Variants in CSMD1 observed in about 807,000 individuals in gnomAD.
CSMD1 encodes the protein CUB and sushi domain-containing protein 1.
In CSMD1, 213 loss-of-function variants were observed where a neutral mutation model predicts 417.5. That is an observed-to-expected ratio of 0.51 (90% CI 0.46 to 0.57). The LOEUF is 0.57. CSMD1 is among the 20% of genes least tolerant of loss of function. CSMD1 has a pLI of 0.00. For missense variants in CSMD1, 6,923 were observed against 4,529.7 expected (o/e 1.53, Z -15.17); for synonymous variants, 2,862 against 1,736.8 (o/e 1.65, Z -16.11).
chr8:3,799,876 A>AT (rs1800364186), intron 5 of CSMD1, among the ~76,000 whole-genome samples: 2 of 152,150 alleles, frequency 1.3e-5, no homozygotes, highest in Admixed American at 1.3e-4. Flanking sequence ...TTTAAGCTAC[A>AT]TTGCTGACTT....
intron 7 of CSMD1, 67 bp from the exon 8 acceptor site, chr8:3,616,864 T>A: frequency 1.8e-6 from 2 of 1,111,950 alleles, no homozygotes; most frequent in Non-Finnish European, 2.6e-6. Flanking sequence ...ATAAAAAATT[T>A]ATTCTAGGCA....
chr8:3,222,202 G>A (rs1027010778), intron 28 of CSMD1, among the ~76,000 whole-genome samples: 3 of 152,112 alleles, frequency 2.0e-5, no homozygotes, highest in African/African-American at 7.2e-5. Context: ...CCAGAGGGGT[G>A]TATAAAACGC....
intron 41 of CSMD1, among the ~76,000 whole-genome samples, chr8:3,123,207 C>T (rs536480435): frequency 6.6e-6 from 1 of 152,310 alleles, no homozygotes; most frequent in Admixed American, 6.5e-5. Context: ...ACACACCCCT[C>T]ATCTGCATTC....
At position 3,219,459 on chromosome 8, in the gene CSMD1, T is replaced by G; in HGVS notation, c.4485-17A>C. The stretch of plus-strand genomic sequence containing the variant: ...ATGTTGAAACTAAAGAAAAGAATAG[T>G]AATTATGTCATACGGCTAACAGATA... On this transcript the variant is annotated splice_polypyrimidine_tract_variant and intron_variant, in intron 28 of 69. Coordinates refer to ENST00000635120, the MANE Select transcript of CSMD1 (RefSeq NM_033225.6). 2 of 1,431,120 alleles carry G rather than the reference T, an allele frequency of 1.4e-6. No individual in the cohort carries two copies. The highest frequency in any genetic ancestry group is 9.2e-7 in the Non-Finnish European group (1 of 1,084,248). The allele number at this position is 1,431,120 out of a possible 1,614,324, so 88.7% of individuals were successfully genotyped here. A position where few individuals can be genotyped will look rare whatever the true frequency, so the allele number is the denominator to read the frequency against.
intron 27 of CSMD1, among the ~76,000 whole-genome samples, chr8:3,225,462 C>G (rs1379004054): frequency 3.3e-5 from 5 of 151,774 alleles, no homozygotes; most frequent in Non-Finnish European, 7.4e-5. Flanking sequence ...GGCAGTGCCT[C>G]CTCAGAATCA....
chr8:4,337,331 C>G (rs922304215), intron 3 of CSMD1, among the ~76,000 whole-genome samples: 1 of 152,024 alleles, frequency 6.6e-6, no homozygotes, highest in Non-Finnish European at 1.5e-5. Context: ...TCCCAGTTAC[C>G]CCAGCAACCG....
intron 45 of CSMD1, among the ~76,000 whole-genome samples, chr8:3,107,332 C>T (rs1585366619): frequency 6.6e-6 from 1 of 152,294 alleles, no homozygotes; most frequent in African/African-American, 2.4e-5. Context: ...ATCCTTTCAG[C>T]CGCAAATGAT....
rs144495180 is a variant in CSMD1 at position 3,944,905 on chromosome 8, C to T, written c.818+52998G>A. On this transcript the variant is annotated intron_variant, in intron 5 of 69. Transcript: ENST00000635120. ...GTGTTTTCTAATTCATCCCCACAAT[C>T]AGTGTTTCTGAACGCTGTCTCTCAC... is the stretch of plus-strand genomic sequence containing the variant. Among the ~76,000 whole-genome samples, 1,011 of 152,250 alleles carry T rather than the reference C, an allele frequency of 6.6e-3. 6 individuals carry two copies. Among genetic ancestry groups the T allele is most frequent in the Non-Finnish European group, 1.0e-2 (678 of 67,994 alleles).
At chr8:4,414,708 T>C (rs1019577941) in intron 3 of CSMD1, among the ~76,000 whole-genome samples, 1 of 152,178 alleles carries the variant, frequency 6.6e-6, no homozygotes, top group African/African-American at 2.4e-5. Context: ...TTTGAGGAAA[T>C]ATGAACTACT....
In CSMD1 at chr8:3,091,403, T is replaced by C. The variant is rs140659093; in HGVS notation, c.7285+113A>G. Reference sequence around the variant, plus strand: ...CATATATTTCTACTGTAGTTAATTATTAATCTTTAAGAATTAGGATTATAC... The same window carrying C: ...CATATATTTCTACTGTAGTTAATTACTAATCTTTAAGAATTAGGATTATAC... On this transcript the variant is annotated intron_variant, in intron 48 of 69. Transcript: ENST00000635120. The C allele has an allele frequency of 4.6e-5, 33 of 725,126 alleles. No individual in the cohort carries two copies. In the East Asian group the frequency reaches 8.8e-4, roughly 19 times the overall value. 44.9% of individuals were successfully genotyped at this position (725,126 alleles called of 1,614,324 possible).
intron 37 of CSMD1, among the ~76,000 whole-genome samples, chr8:3,169,438 T>G (rs180854072): frequency 1.3e-5 from 2 of 152,178 alleles, no homozygotes; most frequent in Admixed American, 6.5e-5. Flanking sequence ...AAATATTGTA[T>G]GATTCCACTC....
intron 3 of CSMD1, among the ~76,000 whole-genome samples, chr8:4,118,363 T>C (rs1426249963): frequency 6.7e-6 from 1 of 150,352 alleles, no homozygotes; most frequent in Non-Finnish European, 1.5e-5. Context: ...CTGACAAATG[T>C]CTAACATCCA....
At chr8:3,399,359 T>C in intron 16 of CSMD1, 32 bp downstream of exon 16, 1 of 1,569,120 alleles carries the variant, frequency 6.4e-7, no homozygotes, top group Non-Finnish European at 8.6e-7. Flanking sequence ...CACACACCAT[T>C]GGGTCCAAAT....
chr8:4,570,671 G>T (rs887191738), intron 2 of CSMD1, among the ~76,000 whole-genome samples: 2 of 152,170 alleles, frequency 1.3e-5, no homozygotes, highest in Admixed American at 1.3e-4. Flanking sequence ...ATGAGTTAAG[G>T]AGGATTCCCT....
At chr8:4,980,429 A>C (rs772582962) in intron 1 of CSMD1, among the ~76,000 whole-genome samples, 1 of 152,198 alleles carries the variant, frequency 6.6e-6, no homozygotes, top group African/African-American at 2.4e-5. Flanking sequence ...TGTGGGAAGG[A>C]AGGAGTTTGT....
At chr8:3,638,411 C>G (rs925000898) in intron 7 of CSMD1, among the ~76,000 whole-genome samples, 1 of 151,944 alleles carries the variant, frequency 6.6e-6, no homozygotes, top group East Asian at 1.9e-4. Context: ...AGAGAAAGGT[C>G]CTAGTTTTGC....
At chr8:4,885,769 G>C (rs1803696484) in intron 1 of CSMD1, among the ~76,000 whole-genome samples, 1 of 151,738 alleles carries the variant, frequency 6.6e-6, no homozygotes. Context: ...TCACTTTCCT[G>C]ATGGTTTCCT....
intron 3 of CSMD1, among the ~76,000 whole-genome samples, chr8:4,371,455 C>T (rs1241731433): frequency 6.6e-6 from 1 of 152,160 alleles, no homozygotes; most frequent in Non-Finnish European, 1.5e-5. Flanking sequence ...GAGCAGAGGG[C>T]ATGTCTGGGG....
rs1049790359 is a variant in CSMD1 at position 4,831,513 on chromosome 8, T to C, written c.85+162819A>G. ...TGTCAAGATGCTGCTCATTGCATGG[T>C]ACATATTTTTTTTTAATATCAGAAG... On this transcript the variant is annotated intron_variant, in intron 1 of 69. Coordinates refer to ENST00000635120, the MANE Select transcript of CSMD1 (RefSeq NM_033225.6). Among the ~76,000 whole-genome samples the C allele has an allele frequency of 7.9e-5, 12 of 152,138 alleles. No homozygotes were observed. The South Asian group carries it at 1.7e-3, about 21-fold the overall frequency.
Sources: allele counts gnomAD v4.1 joint callset (sites outside exome capture counted in the v4.1 genomes callset), GRCh38; gene constraint gnomAD v4.1.1; transcripts MANE v1.5; gene names NCBI Gene and HGNC (gene_info 2026-07-23, HGNC 2026-07-21).